Variants in WDHD1 observed in about 807,000 individuals in gnomAD.
WDHD1 encodes WD repeat and HMG-box DNA-binding protein 1.
A neutral mutation model predicts 135.4 loss-of-function variants in WDHD1; 111 were observed. That is an observed-to-expected ratio of 0.82 (90% CI 0.70 to 0.96). WDHD1 has a LOEUF of 0.96. Ranked by LOEUF, WDHD1 falls within the 40% of genes least tolerant of loss-of-function variation. WDHD1 has a pLI of 0.00. For missense variants in WDHD1, 1,351 were observed against 1,336.3 expected, an observed-to-expected ratio of 1.01 and a Z score of -0.17; for synonymous variants, 434 against 439.0, an observed-to-expected ratio of 0.99 and a Z score of 0.14.
intron 18 of WDHD1, among the ~76,000 whole-genome samples, chr14:54,963,669 G>C (rs144095527): frequency 6.6e-6 from 1 of 150,804 alleles, no homozygotes; most frequent in Non-Finnish European, 1.5e-5. Flanking sequence ...GCGTGGTGGC[G>C]TGCGCCTGTA....
chr14:55,026,806 G>GAAAATGTTTTAT lies in WDHD1; in HGVS notation c.-16-15_-16-4dup. ...CAGGCATGTTTTCCTTTACCTATCT[G>GAAAATGTTTTAT]AAAATGTTTTATAAAAGCCAGTCTT... On this transcript the variant is annotated splice_polypyrimidine_tract_variant and splice_region_variant and intron_variant, in intron 1 of 25. Coordinates refer to ENST00000360586, the MANE Select transcript of WDHD1 (RefSeq NM_007086.4). 1.9e-6 allele frequency: 3 copies of GAAAATGTTTTAT among 1,613,608 alleles called. No homozygotes were observed. In the East Asian group the frequency reaches 6.7e-5, roughly 36 times the overall value.
intron 22 of WDHD1, 70 bp from the exon 23 acceptor site, chr14:54,957,274 T>C (rs2041176187): frequency 6.7e-7 from 1 of 1,492,244 alleles, no homozygotes; most frequent in Non-Finnish European, 9.0e-7. Context: ...GACTTATTTT[T>C]TCTTGAAATT....
intron 2 of WDHD1, among the ~76,000 whole-genome samples, chr14:55,023,002 TTTTAGTAGAGACAGGG>T (rs1429409640): frequency 2.6e-5 from 4 of 151,914 alleles, no homozygotes; most frequent in African/African-American, 9.7e-5. Flanking sequence ...TTTTTTGCAT[TTTTAGTAGAGACAGGG>T]TTTCAACACG....
Position 55,026,754 on chromosome 14 carries a change from G to A in WDHD1, c.34C>T (p.His12Tyr). 1 of 1,614,166 alleles carries A rather than the reference G, an allele frequency of 6.2e-7. No individual in the cohort carries two copies. Among genetic ancestry groups the A allele is most frequent in the Non-Finnish European group, 8.5e-7 (1 of 1,180,024 alleles). The part of the protein sequence containing the change: ...PATRKPMRYG[H>Y]TEGHTEVCFD... ...CAGACCTCCGTGTGTCCCTCTGTAT[G>A]CCCATATCTCATTGGCTTCCGTGTG... The change falls in exon 2 of 26, where the codon CAT becomes TAT. Residue 12 changes from histidine to tyrosine, a missense_variant. Physicochemically the swap from His to Tyr is moderately conservative, Grantham distance 83. Around this residue, in one of 2 missense-constraint regions of WDHD1, gnomAD observed 21 missense variants for 40.2 expected, o/e 0.52. Transcript: ENST00000360586.
intron 24 of WDHD1, among the ~76,000 whole-genome samples, chr14:54,949,519 C>T (rs532452201): frequency 3.7e-4 from 57 of 152,236 alleles, no homozygotes; most frequent in Admixed American, 1.0e-3. Flanking sequence ...ACCAAATCTA[C>T]GTTTGTTTGG....
At chr14:55,019,993 T>C (rs992714373) in intron 2 of WDHD1, among the ~76,000 whole-genome samples, 13 of 152,222 alleles carry the variant, frequency 8.5e-5, no homozygotes, top group East Asian at 1.9e-4. Context: ...ACCTCAACTC[T>C]ATCCTCAGAG....
At chr14:55,013,414 T>A (rs968739257) in intron 3 of WDHD1, 71 bp downstream of exon 3, 2 of 1,046,062 alleles carry the variant, frequency 1.9e-6, no homozygotes, top group Non-Finnish European at 2.9e-6. Context: ...TTCAAAAATA[T>A]TTTTTCACTC....
At position 54,981,661 on chromosome 14, in the gene WDHD1, G is replaced by T. The variant is rs761619725; in HGVS notation, c.1942C>A (p.Arg648=). The T allele has an allele frequency of 6.2e-7, 1 of 1,610,638 alleles. No individual in the cohort carries two copies. The highest frequency in any genetic ancestry group is 8.5e-7 in the Non-Finnish European group (1 of 1,177,400). The part of the protein sequence containing the change: ...PCYVDSEGIV[R]MLNRGLGNTW... ...TTACCAAGTCCTCTGTTAAGCATTCGAACAATTCCTTCTGAATCCACGTAA... is the reference window on the plus strand; with the variant it reads ...TTACCAAGTCCTCTGTTAAGCATTCTAACAATTCCTTCTGAATCCACGTAA... The change falls in exon 16 of 26, where the codon CGA becomes AGA. Residue 648 remains arginine (R), a synonymous_variant. Coordinates refer to ENST00000360586, the MANE Select transcript of WDHD1 (RefSeq NM_007086.4).
chr14:55,002,312 G>A (rs2041992058), intron 7 of WDHD1, 127 bp from the exon 8 acceptor site: 1 of 665,302 alleles, frequency 1.5e-6, no homozygotes, highest in Non-Finnish European at 2.5e-6. Context: ...TATTGTTTCT[G>A]TTTTTAAGAG....
At position 55,001,194 on chromosome 14, in the gene WDHD1, A is replaced by C. The variant is rs531495810; in HGVS notation, c.694-202T>G. Among the ~76,000 whole-genome samples, 6 of 152,234 alleles carry C rather than the reference A, an allele frequency of 3.9e-5. No individual in the cohort carries two copies. The South Asian group carries it at 1.2e-3, about 32-fold the overall frequency. ...CAAAGTTTGCTTATTTTCTAACCTC[A>C]CTTTTCAATAACATTCAAGTATCAC... is the stretch of plus-strand genomic sequence containing the variant. On this transcript the variant is annotated intron_variant, in intron 8 of 25. Coordinates refer to ENST00000360586, the MANE Select transcript of WDHD1 (RefSeq NM_007086.4).
At chr14:54,954,462 G>A (rs1271372140) in intron 24 of WDHD1, among the ~76,000 whole-genome samples, 1 of 152,170 alleles carries the variant, frequency 6.6e-6, no homozygotes, top group Non-Finnish European at 1.5e-5. Context: ...TATAAGTGCA[G>A]ATTAACTTGA....
chr14:54,994,726 A>G (rs1289352312), intron 11 of WDHD1, among the ~76,000 whole-genome samples: 2 of 149,674 alleles, frequency 1.3e-5, no homozygotes, highest in Admixed American at 6.7e-5. Flanking sequence ...ACACCACCGC[A>G]CTCCAGCCTG....
chr14:54,990,967 T>G (rs1468421708), intron 12 of WDHD1, among the ~76,000 whole-genome samples: 1 of 152,220 alleles, frequency 6.6e-6, no homozygotes, highest in Non-Finnish European at 1.5e-5. Flanking sequence ...TAATATTTAC[T>G]TATGTTCATT....
intron 2 of WDHD1, among the ~76,000 whole-genome samples, chr14:55,019,209 A>C (rs2140231619): frequency 6.6e-6 from 1 of 152,366 alleles, no homozygotes; most frequent in Middle Eastern, 3.4e-3. Context: ...AACTGATTAA[A>C]GCACATAAAT....
intron 16 of WDHD1, among the ~76,000 whole-genome samples, chr14:54,974,075 A>T (rs78079035): frequency 0.032 from 4,779 of 151,486 alleles, 243 homozygotes; most frequent in African/African-American, 0.11. Context: ...TGCATAAACC[A>T]CCTGGAAGAG....
intron 25 of WDHD1, among the ~76,000 whole-genome samples, chr14:54,943,770 T>C (rs141022693): frequency 0.016 from 2,394 of 151,802 alleles, 23 homozygotes; most frequent in Non-Finnish European, 0.025. Context: ...CAGGAACTTA[T>C]AGAGATTAAA....
Position 54,994,622 on chromosome 14 carries a change from G to C in WDHD1, c.1153+981C>G, listed in dbSNP as rs55704705. On this transcript the variant is annotated intron_variant, in intron 11 of 25. Coordinates refer to ENST00000360586, the MANE Select transcript of WDHD1 (RefSeq NM_007086.4). ...CTAAAAATACAAAAATTAGCCAGGC[G>C]TGGTGGCGCATGCCTGTAATCCCAG... Among the ~76,000 whole-genome samples, 8 of 151,904 alleles carry C rather than the reference G, an allele frequency of 5.3e-5. No individual in the cohort carries two copies. In the East Asian group the frequency reaches 1.5e-3, roughly 29 times the overall value.
At chr14:54,990,312 C>G (rs2041763377) in intron 12 of WDHD1, among the ~76,000 whole-genome samples, 1 of 152,028 alleles carries the variant, frequency 6.6e-6, no homozygotes, top group African/African-American at 2.4e-5. Context: ...TTTTTAAGAA[C>G]TCAGGCCAGG....
At chr14:54,947,544 T>C (rs1231848771) in intron 24 of WDHD1, among the ~76,000 whole-genome samples, 5 of 152,200 alleles carry the variant, frequency 3.3e-5, no homozygotes, top group Non-Finnish European at 7.3e-5. Context: ...CTGTTCAGCA[T>C]GAGAAAAATG....
Sources: allele counts gnomAD v4.1 joint callset (sites outside exome capture counted in the v4.1 genomes callset), GRCh38; gene constraint gnomAD v4.1.1; regional missense constraint gnomAD v4.1.1; transcripts MANE v1.5; gene names NCBI Gene and HGNC (gene_info 2026-07-23, HGNC 2026-07-21).